Variants in PTPRD observed in about 807,000 individuals in gnomAD.
The protein encoded by PTPRD is protein tyrosine phosphatase receptor type D.
In PTPRD, 34 loss-of-function variants were observed where a neutral mutation model predicts 214.5. The observed-to-expected ratio is 0.16, with a 90% CI of 0.12 to 0.21. PTPRD has a LOEUF of 0.21. Among genes scored for constraint, PTPRD ranks in the 10% least tolerant of loss-of-function variants. PTPRD has a pLI of 1.00. For synonymous variants in PTPRD, 1,128 were observed against 845.7 expected, an observed-to-expected ratio of 1.33 and a Z score of -5.79; for missense variants, 2,545 against 2,398.7, an observed-to-expected ratio of 1.06 and a Z score of -1.27.
At chr9:10,056,612 C>T (rs1487406957) in intron 3 of PTPRD, among the ~76,000 whole-genome samples, 1 of 152,112 alleles carries the variant, frequency 6.6e-6, no homozygotes, top group African/African-American at 2.4e-5. Flanking sequence ...CAATATCCAT[C>T]TTTGCAAAGA....
intron 5 of PTPRD, among the ~76,000 whole-genome samples, chr9:9,927,726 G>T (rs1025879186): frequency 6.6e-6 from 1 of 152,078 alleles, no homozygotes; most frequent in African/African-American, 2.4e-5. Context: ...CTAATGCAGT[G>T]CAATGTTCAT....
At chr9:9,877,846 G>T (rs912190597) in intron 5 of PTPRD, among the ~76,000 whole-genome samples, 1 of 151,906 alleles carries the variant, frequency 6.6e-6, no homozygotes, top group Admixed American at 6.6e-5. Flanking sequence ...GGTGGCCCAT[G>T]CCTGTAATCC....
chr9:8,484,924 T>C (rs895512056), intron 29 of PTPRD, among the ~76,000 whole-genome samples: 2 of 152,204 alleles, frequency 1.3e-5, no homozygotes, highest in African/African-American at 2.4e-5. Context: ...GTAGAAACCA[T>C]GTAAATTTCA....
intron 10 of PTPRD, among the ~76,000 whole-genome samples, chr9:9,084,113 T>C (rs1168357468): frequency 1.3e-5 from 2 of 152,172 alleles, no homozygotes; most frequent in Non-Finnish European, 2.9e-5. Context: ...TGTATGTTTA[T>C]TGCAGCACTA....
intron 8 of PTPRD, among the ~76,000 whole-genome samples, chr9:9,555,007 T>C (rs968482217): frequency 1.3e-5 from 2 of 152,094 alleles, no homozygotes; most frequent in African/African-American, 4.8e-5. Flanking sequence ...ATTTTTATCA[T>C]TTGTGCAAAG....
intron 2 of PTPRD, among the ~76,000 whole-genome samples, chr9:10,451,349 T>C (rs2130846860): frequency 6.6e-6 from 1 of 152,066 alleles, no homozygotes; most frequent in Middle Eastern, 3.4e-3. Flanking sequence ...CTGGAGTCTG[T>C]GATTACAAAT....
chr9:8,911,414 G>A, intron 11 of PTPRD, among the ~76,000 whole-genome samples: 2 of 132,236 alleles, frequency 1.5e-5, no homozygotes, highest in South Asian at 5.2e-4. Flanking sequence ...GTGTGTGTGT[G>A]TTGTGTGTGT....
At chr9:10,494,685 A>C (rs779869295) in intron 2 of PTPRD, among the ~76,000 whole-genome samples, 26 of 151,082 alleles carry the variant, frequency 1.7e-4, no homozygotes, top group Non-Finnish European at 3.4e-4. Context: ...AACTTAAAAA[A>C]ATTTTCTATT....
intron 3 of PTPRD, among the ~76,000 whole-genome samples, chr9:10,276,531 C>A (rs888273189): frequency 2.0e-5 from 3 of 152,098 alleles, no homozygotes; most frequent in Non-Finnish European, 4.4e-5. Flanking sequence ...AGTCTTTAGA[C>A]AAATTCATTG....
intron 11 of PTPRD, among the ~76,000 whole-genome samples, chr9:8,932,463 G>A (rs533644179): frequency 9.9e-5 from 15 of 152,164 alleles, no homozygotes; most frequent in African/African-American, 3.1e-4. Flanking sequence ...ATGTAGTTGT[G>A]CGCCCACAGC....
chr9:10,145,626 G>T (rs937483545), intron 3 of PTPRD, among the ~76,000 whole-genome samples: 4 of 152,002 alleles, frequency 2.6e-5, no homozygotes, highest in African/African-American at 9.7e-5. Flanking sequence ...TTAAGTTTTG[G>T]GGGAGTAAAA....
At chr9:10,071,112 A>C (rs1443615042) in intron 3 of PTPRD, among the ~76,000 whole-genome samples, 1 of 152,142 alleles carries the variant, frequency 6.6e-6, no homozygotes, top group Non-Finnish European at 1.5e-5. Context: ...AAGAAATCAA[A>C]GAAAATCTAA....
chr9:10,076,424 T>A (rs993912335), intron 3 of PTPRD, among the ~76,000 whole-genome samples: 1 of 152,158 alleles, frequency 6.6e-6, no homozygotes, highest in Admixed American at 6.6e-5. Context: ...ACTGTGTTAC[T>A]AGGCATCATT....
intron 14 of PTPRD, among the ~76,000 whole-genome samples, chr9:8,590,122 T>A (rs748416266): frequency 2.6e-5 from 4 of 152,112 alleles, no homozygotes; most frequent in Non-Finnish European, 5.9e-5. Flanking sequence ...ATAGATATAG[T>A]ACAGTCATAA....
At chr9:10,198,861 C>T (rs1214126881) in intron 3 of PTPRD, among the ~76,000 whole-genome samples, 9 of 151,886 alleles carry the variant, frequency 5.9e-5, no homozygotes. Context: ...TATTTAATTG[C>T]TCATTGTATA....
chr9:9,093,790 G>A (rs1361214865), intron 10 of PTPRD, among the ~76,000 whole-genome samples: 1 of 151,600 alleles, frequency 6.6e-6, no homozygotes, highest in Admixed American at 6.6e-5. Context: ...AAACTAGAAA[G>A]GGAAGAGCAA....
chr9:10,271,926 T>C (rs2094445883), intron 3 of PTPRD, among the ~76,000 whole-genome samples: 1 of 152,198 alleles, frequency 6.6e-6, no homozygotes, highest in Non-Finnish European at 1.5e-5. Context: ...TCTTCCAGTC[T>C]ATTTTCTAAG....
intron 8 of PTPRD, among the ~76,000 whole-genome samples, chr9:9,483,793 T>TA (rs1338562306): frequency 6.6e-6 from 1 of 151,746 alleles, no homozygotes; most frequent in Non-Finnish European, 1.5e-5. Flanking sequence ...TTTTTTTTTT[T>TA]TTAAGTCATG....
chr9:10,193,565 C>T (rs1726519763), intron 3 of PTPRD, among the ~76,000 whole-genome samples: 1 of 152,036 alleles, frequency 6.6e-6, no homozygotes, highest in Non-Finnish European at 1.5e-5. Flanking sequence ...TGAACGGATA[C>T]AGGAATGAGG....
Sources: allele counts gnomAD v4.1 joint callset (sites outside exome capture counted in the v4.1 genomes callset), GRCh38; gene constraint gnomAD v4.1.1; transcripts MANE v1.5; gene names NCBI Gene and HGNC (gene_info 2026-07-23, HGNC 2026-07-21).